DMPK: variants seen among roughly 807,000 people sequenced by gnomAD.
DMPK encodes DM1 protein kinase, also known as myotonin-protein kinase.
A neutral mutation model predicts 70.3 loss-of-function variants in DMPK; 32 were observed. The ratio of observed to expected loss-of-function variants is 0.46; its 90% CI spans 0.34 to 0.61. The LOEUF (loss-of-function observed/expected upper bound fraction) is 0.61. Ranked by LOEUF, DMPK falls within the 20% of genes least tolerant of loss-of-function variation. The pLI, the probability that DMPK is intolerant of heterozygous loss-of-function variation, is 0.01. For missense variants in DMPK, 899 were observed against 886.0 expected (o/e 1.01, Z -0.19); for synonymous variants, 469 against 390.9 (o/e 1.20, Z -2.36).
Position 45,779,332 on chromosome 19 carries a change from C to T in DMPK, c.364G>A (p.Val122Met), listed in dbSNP as rs751115299. Residue 122 changes from valine to methionine, a missense_variant, in exon 4 of 15, where the codon GTG (valine) becomes ATG (methionine). Coordinates refer to ENST00000291270, the MANE Select transcript of DMPK (RefSeq NM_004409.5). ...EVSCFREERD[V>M]LVNGDRRWIT... ...CACCGCCGGTCCCCATTCACCAACACGTCCCTCTCCTCACGGAAGCACGAC... is the reference window on the plus strand; with the variant it reads ...CACCGCCGGTCCCCATTCACCAACATGTCCCTCTCCTCACGGAAGCACGAC... The T allele has an allele frequency of 8.7e-6, 14 of 1,614,012 alleles. No homozygotes were observed. Among genetic ancestry groups the T allele is most frequent in the Middle Eastern group, 3.3e-4 (2 of 6,084 alleles).
intron 1 of DMPK, chr19:45,780,429 T>G (rs780653085): frequency 3.7e-6 from 5 of 1,334,396 alleles, no homozygotes; most frequent in Non-Finnish European, 2.9e-6. Context: ...TGGTCACATA[T>G]CCCAGACTCA....
Position 45,777,451 on chromosome 19 carries a change from C to G in DMPK, c.1022G>C (p.Gly341Ala). ...GDFRTHPFFF[G>A]LDWDGLRDSV... ...GTCCCGGAGACCATCCCAGTCGAGGCCAAAGAAGAAGGGATGTGTCCGGAA... is the reference window on the plus strand; with the variant it reads ...GTCCCGGAGACCATCCCAGTCGAGGGCAAAGAAGAAGGGATGTGTCCGGAA... Residue 341 changes from glycine (G) to alanine (A), a missense_variant, in exon 8 of 15, where the codon GGC becomes GCC. Physicochemically the swap from Gly to Ala is moderately conservative, Grantham distance 60 (BLOSUM62 0). Coordinates refer to ENST00000291270, the MANE Select transcript of DMPK (RefSeq NM_004409.5). This position sits in a 1 kb window ranked among gnomAD's most constrained non-coding sequence, Gnocchi z 6.7. 2.5e-6 allele frequency: 4 copies of G among 1,613,474 alleles called. No homozygotes were observed. Among genetic ancestry groups the G allele is most frequent in the Non-Finnish European group, 3.4e-6 (4 of 1,180,016 alleles).
chr19:45,777,351 G>A lies in DMPK; in HGVS notation c.1122C>T (p.Leu374=), dbSNP rs146107996. 6.3e-7 allele frequency: 1 copy of A among 1,593,980 alleles called. No homozygotes were observed. Among genetic ancestry groups the A allele is most frequent in the African/African-American group, 1.3e-5 (1 of 74,660 alleles). ...TCNFDLVEDG[L]TAMVSGGGET... ...CCCCGCCCCCGCTCACCATGGCAGT[G>A]AGCCCGTCCTCCACCAAGTCGAAGT... Residue 374 remains leucine (L), a synonymous_variant, in exon 8 of 15, where the codon CTC becomes CTT. Coordinates refer to ENST00000291270, the MANE Select transcript of DMPK (RefSeq NM_004409.5). The surrounding 1 kb of genome is among the most constrained non-coding windows in gnomAD (Gnocchi z 6.7).
At chr19:45,773,029 C>T (rs1263026632) in intron 9 of DMPK, among the ~76,000 whole-genome samples, 2 of 152,230 alleles carry the variant, frequency 1.3e-5, no homozygotes, top group Non-Finnish European at 2.9e-5. Context: ...GTTCTAGGGT[C>T]AGCTCATCTC....
chr19:45,770,585 A>C lies in DMPK; in HGVS notation c.1793T>G (p.Leu598Arg). 3.9e-6 allele frequency: 6 copies of C among 1,552,498 alleles called. No homozygotes were observed. The highest frequency in any genetic ancestry group is 5.2e-6 in the Non-Finnish European group (6 of 1,147,972). ...GCAGCCCAGGGCGGCGGCACGAGACAGAACAACGGCGAACAGGAGCAGGGA... is the reference window on the plus strand; with the variant it reads ...GCAGCCCAGGGCGGCGGCACGAGACCGAACAACGGCGAACAGGAGCAGGGA... ...ALSLLLFAVV[L>R]SRAAALGCIG... Residue 598 changes from leucine (L) to arginine (R), a missense_variant, in exon 15 of 15, where the codon CTG becomes CGG. By Grantham distance (102) the Leu-to-Arg change is moderately radical. Coordinates refer to ENST00000291270, the MANE Select transcript of DMPK (RefSeq NM_004409.5).
intron 2 of DMPK, 29 bp downstream of exon 2, chr19:45,779,749 A>T: frequency 6.5e-7 from 1 of 1,533,904 alleles, no homozygotes; most frequent in Non-Finnish European, 8.8e-7. Flanking sequence ...ACCACGAGTC[A>T]AGTCAGGCTC....
At chr19:45,773,955 C>T (rs1006020089) in intron 9 of DMPK, among the ~76,000 whole-genome samples, 3 of 135,686 alleles carry the variant, frequency 2.2e-5, no homozygotes, top group Non-Finnish European at 4.8e-5. Flanking sequence ...TAAATTAGTA[C>T]TTTTTTTTTT....
intron 9 of DMPK, 76 bp downstream of exon 9, chr19:45,774,873 T>A: frequency 2.6e-6 from 3 of 1,171,552 alleles, no homozygotes; most frequent in Non-Finnish European, 3.8e-6. Flanking sequence ...TGCAACTCCA[T>A]TGGCTGCCAA....
intron 1 of DMPK, among the ~76,000 whole-genome samples, chr19:45,781,780 C>A (rs1970134699): frequency 6.6e-6 from 1 of 152,100 alleles, no homozygotes; most frequent in African/African-American, 2.4e-5. Flanking sequence ...GCTGGCCCTC[C>A]TGGCTTGCCC....
At position 45,770,967 on chromosome 19, in the gene DMPK, G is replaced by A. The variant is rs1326978577; in HGVS notation, c.1737+4C>T. The A allele has an allele frequency of 1.9e-5, 27 of 1,423,872 alleles. No individual in the cohort carries two copies. Among genetic ancestry groups the A allele is most frequent in the Non-Finnish European group, 2.3e-5 (25 of 1,094,222 alleles). 88.2% of individuals were successfully genotyped at this position (1,423,872 alleles called of 1,614,324 possible). ...CGGAGGGGGGCGTGGGCAGCCGGAC[G>A]TACCCTGGCAGGGAGCAGCAGGTGG... On this transcript the variant is annotated splice_donor_region_variant and intron_variant, in intron 14 of 14. Transcript: ENST00000291270.
Position 45,770,362 on chromosome 19 carries a change from T to A in DMPK, c.*126A>T. On this transcript the variant is annotated 3_prime_UTR_variant, in exon 15 of 15. Transcript: ENST00000291270. ...AGGGGGCGGGCCCGGATCACAGGACTGGAGCTGGGCGGAGACCCACGCTCG... is the reference window on the plus strand; with the variant it reads ...AGGGGGCGGGCCCGGATCACAGGACAGGAGCTGGGCGGAGACCCACGCTCG... 7.7e-7 allele frequency: 1 copy of A among 1,298,520 alleles called. No individual in the cohort carries two copies. The highest frequency in any genetic ancestry group is 1.3e-5 in the South Asian group (1 of 77,748). 80.4% of individuals were successfully genotyped at this position (1,298,520 alleles called of 1,614,324 possible).
At chr19:45,776,877 C>A (rs955472511) in intron 8 of DMPK, 1 of 162,076 alleles carries the variant, frequency 6.2e-6, no homozygotes, top group African/African-American at 2.4e-5. Flanking sequence ...TCATCTGGTC[C>A]GTGCTGGATC....
chr19:45,779,518 G>T lies in DMPK; in HGVS notation c.257C>A (p.Ala86Glu), dbSNP rs780187592. ...GCCCGTCTGCTTCATCTTCACTACC[G>T]CTACCTGAGGTCGAGATAGTGAGAC... ...VIGRGAFSEV[A>E]VVKMKQTGQV... Residue 86 changes from alanine to glutamate, a missense_variant, in exon 3 of 15, where the codon GCG (alanine) becomes GAG (glutamate). By Grantham distance (107) the Ala-to-Glu change is moderately radical. Coordinates refer to ENST00000291270, the MANE Select transcript of DMPK (RefSeq NM_004409.5). 6.2e-7 allele frequency: 1 copy of T among 1,613,650 alleles called. No homozygotes were observed. Among genetic ancestry groups the T allele is most frequent in the South Asian group, 1.1e-5 (1 of 91,066 alleles).
At chr19:45,772,472 G>T in intron 10 of DMPK, 169 bp downstream of exon 10, 1 of 512,664 alleles carries the variant, frequency 2.0e-6, no homozygotes, top group Non-Finnish European at 3.4e-6. Flanking sequence ...ATGCCCCACT[G>T]TAACTACAGA....
Position 45,780,000 on chromosome 19 carries a change from C to A in DMPK, c.161-131G>T, listed in dbSNP as rs192671827. 119 of 1,557,036 alleles carry A rather than the reference C, an allele frequency of 7.6e-5. No individual in the cohort carries two copies. In the African/African-American group the frequency reaches 1.2e-3, roughly 15 times the overall value. ...GCTTCACCCTAGGACTGTCTGCTTCCCAGGGGCTTCCCCACATAAACACCG... is the reference window on the plus strand; with the variant it reads ...GCTTCACCCTAGGACTGTCTGCTTCACAGGGGCTTCCCCACATAAACACCG... On this transcript the variant is annotated intron_variant, in intron 1 of 14. Coordinates refer to ENST00000291270, the MANE Select transcript of DMPK (RefSeq NM_004409.5).
chr19:45,771,801 G>A lies in DMPK; in HGVS notation c.1472C>T (p.Ala491Val). ...TRQSLSREME[A>V]IRTDNQNFAS... ...GAAGTTCTGGTTGTCCGTGCGGATG[G>A]CCTCCATCTCCCGGCTCAGGCTCTG... Residue 491 changes from alanine (A) to valine (V), a missense_variant, in exon 11 of 15, where the codon GCC (alanine) becomes GTC (valine). Transcript: ENST00000291270. The A allele has an allele frequency of 6.4e-7, 1 of 1,569,348 alleles. No individual in the cohort carries two copies. Among genetic ancestry groups the A allele is most frequent in the South Asian group, 1.2e-5 (1 of 86,156 alleles).
chr19:45,773,882 A>G (rs551068247), intron 9 of DMPK, among the ~76,000 whole-genome samples: 36 of 151,662 alleles, frequency 2.4e-4, no homozygotes, highest in African/African-American at 7.8e-4. Context: ...GGCTGAAGCA[A>G]TCCGTCCACT....
At chr19:45,774,380 G>A (rs780833366) in intron 9 of DMPK, among the ~76,000 whole-genome samples, 21 of 148,638 alleles carry the variant, frequency 1.4e-4, no homozygotes, top group Admixed American at 1.2e-3. Context: ...CTCCTGCCTC[G>A]CCTCCCAAGT....
intron 4 of DMPK, 200 bp downstream of exon 4, chr19:45,779,064 C>T (rs928827402): frequency 6.6e-5 from 41 of 617,222 alleles, no homozygotes; most frequent in Non-Finnish European, 1.0e-4. Context: ...ACCCCAGAAA[C>T]GGGCAGTGAA....
Sources: gnomAD v4.1 joint callset for allele counts (sites outside exome capture counted in the v4.1 genomes callset) on GRCh38, gnomAD v4.1.1 for gene constraint, Gnocchi (gnomAD v3.1) non-coding constraint, MANE v1.5 for transcripts, NCBI Gene and HGNC (gene_info 2026-07-23, HGNC 2026-07-21) for gene names.